NECTIN3: variants seen among roughly 807,000 people sequenced by gnomAD.
NECTIN3 encodes the protein nectin-3.
A neutral mutation model predicts 49.4 loss-of-function variants in NECTIN3; 8 were observed. The ratio of observed to expected loss-of-function variants is 0.16; its 90% CI spans 0.10 to 0.29. The LOEUF is 0.29. NECTIN3 is among the 10% of genes least tolerant of loss of function. The probability of loss-of-function intolerance (pLI) is 1.00; values close to 1 mark genes in which losing one functional copy is unlikely to be tolerated. For missense variants in NECTIN3, 581 were observed against 654.6 expected (o/e 0.89, Z 1.23); for synonymous variants, 277 against 241.1 (o/e 1.15, Z -1.38).
chr3:111,077,140 A>T (rs1171005936), intron 1 of NECTIN3: 1 of 392,984 alleles, frequency 2.5e-6, no homozygotes, highest in Non-Finnish European at 5.2e-6. Flanking sequence ...TATTTTAGAA[A>T]GGATATTATA....
chr3:111,165,650 T>C (rs1037404672), intron 7 of NECTIN3, among the ~76,000 whole-genome samples: 38 of 152,200 alleles, frequency 2.5e-4, no homozygotes, highest in African/African-American at 8.4e-4. Context: ...AGGGCAAACT[T>C]GGATGTTCAC....
chr3:111,101,935 G>A (rs566088081), intron 1 of NECTIN3, among the ~76,000 whole-genome samples: 2 of 152,200 alleles, frequency 1.3e-5, no homozygotes, highest in East Asian at 1.9e-4. Flanking sequence ...TGCTTAGCAT[G>A]GAATGGTCTT....
chr3:111,117,743 A>C (rs1220007746), intron 2 of NECTIN3, among the ~76,000 whole-genome samples: 1 of 152,100 alleles, frequency 6.6e-6, no homozygotes, highest in Non-Finnish European at 1.5e-5. Flanking sequence ...GCACAGAGTA[A>C]ACTAAAGACT....
chr3:111,180,253 A>G (rs1209255743), intron 7 of NECTIN3, among the ~76,000 whole-genome samples: 1 of 152,198 alleles, frequency 6.6e-6, no homozygotes, highest in African/African-American at 2.4e-5. Context: ...TGTCTCAACA[A>G]AATTATAAAT....
In NECTIN3 at chr3:111,166,410, G is replaced by A. The variant is rs189964582; in HGVS notation, c.1221+18926G>A. On this transcript the variant is annotated intron_variant, in intron 7 of 8. Coordinates refer to the NECTIN3 transcript ENST00000493615. Reference sequence around the variant, plus strand: ...CTTTCTTGTGACATGATACACAACCGAAGAAAACAATGAGCAGCAAGGAAA... The same window carrying A: ...CTTTCTTGTGACATGATACACAACCAAAGAAAACAATGAGCAGCAAGGAAA... Among the ~76,000 whole-genome samples the A allele has an allele frequency of 4.6e-5, 7 of 152,214 alleles. No homozygotes were observed. The East Asian group carries it at 1.2e-3, about 25-fold the overall frequency.
At chr3:111,128,406 T>C (rs1473456976) in intron 5 of NECTIN3, among the ~76,000 whole-genome samples, 1 of 152,148 alleles carries the variant, frequency 6.6e-6, no homozygotes, top group Non-Finnish European at 1.5e-5. Flanking sequence ...GATAATATCC[T>C]AAATTTATAC....
At chr3:111,080,900 G>A (rs1290195733) in intron 1 of NECTIN3, among the ~76,000 whole-genome samples, 1 of 152,144 alleles carries the variant, frequency 6.6e-6, no homozygotes, top group South Asian at 2.1e-4. Context: ...AGAAATATTA[G>A]TAAGGGCTGG....
In NECTIN3 at chr3:111,135,038, T is replaced by G; in HGVS notation, c.*823T>G. 1.0e-6 allele frequency: 1 copy of G among 981,640 alleles called. No individual in the cohort carries two copies. The highest frequency in any genetic ancestry group is 1.2e-6 in the Non-Finnish European group (1 of 826,594). 60.8% of individuals were successfully genotyped at this position (981,640 alleles called of 1,614,324 possible). ...ATTAGCAGTAGCCTTATTTTAATGC[T>G]TTATGTCCTAAACATACTAATAGAA... is the stretch of plus-strand genomic sequence containing the variant. On this transcript the variant is annotated 3_prime_UTR_variant, in exon 6 of 6. Transcript: ENST00000485303.
At chr3:111,098,492 A>G (rs2032718758) in intron 1 of NECTIN3, among the ~76,000 whole-genome samples, 1 of 151,894 alleles carries the variant, frequency 6.6e-6, no homozygotes, top group African/African-American at 2.4e-5. Flanking sequence ...TGGCTGCATA[A>G]CTCCAGTTTT....
intron 2 of NECTIN3, among the ~76,000 whole-genome samples, chr3:111,116,494 G>GT (rs1170289958): frequency 2.0e-5 from 3 of 152,092 alleles, no homozygotes; most frequent in Non-Finnish European, 2.9e-5. Flanking sequence ...ATTCTACAAA[G>GT]TTAAAGAGAC....
chr3:111,103,907 G>T (rs1006136667), intron 1 of NECTIN3, among the ~76,000 whole-genome samples: 1 of 152,030 alleles, frequency 6.6e-6, no homozygotes, highest in Non-Finnish European at 1.5e-5. Context: ...ATATTCATTC[G>T]TCTCTTGATG....
At chr3:111,077,647 T>C (rs2031312561) in intron 1 of NECTIN3, among the ~76,000 whole-genome samples, 1 of 152,182 alleles carries the variant, frequency 6.6e-6, no homozygotes, top group Non-Finnish European at 1.5e-5. Flanking sequence ...TTGGGACATT[T>C]GTATTTTGAA....
intron 5 of NECTIN3, among the ~76,000 whole-genome samples, chr3:111,130,038 C>G (rs186116587): frequency 6.6e-6 from 1 of 150,742 alleles, no homozygotes; most frequent in Non-Finnish European, 1.5e-5. Context: ...TCACTGCAGG[C>G]TCCGCCTCCC....
chr3:111,077,517 A>G (rs1195857289), intron 1 of NECTIN3, among the ~76,000 whole-genome samples: 1 of 150,816 alleles, frequency 6.6e-6, no homozygotes, highest in Non-Finnish European at 1.5e-5. Context: ...CAAAGATAGG[A>G]TGTGTGAGTT....
intron 3 of NECTIN3, 82 bp downstream of exon 3, chr3:111,119,034 T>C: frequency 8.4e-7 from 1 of 1,194,704 alleles, no homozygotes; most frequent in Non-Finnish European, 1.1e-6. Context: ...TTTAATAGCT[T>C]TTCCTTGTTT....
intron 7 of NECTIN3, among the ~76,000 whole-genome samples, chr3:111,169,098 T>C (rs917102141): frequency 1.6e-4 from 22 of 140,330 alleles, no homozygotes; most frequent in Non-Finnish European, 1.4e-4. Context: ...TTTTTTTTTT[T>C]TTTTTTTTTG....
chr3:111,118,561 C>T, intron 2 of NECTIN3, 95 bp from the exon 3 acceptor site: 5 of 1,137,552 alleles, frequency 4.4e-6, no homozygotes, highest in Non-Finnish European at 6.0e-6. Flanking sequence ...ATGCAGTTGT[C>T]CTTAAGCTTG....
chr3:111,174,483 C>T (rs1008268699), intron 7 of NECTIN3, among the ~76,000 whole-genome samples: 1 of 152,306 alleles, frequency 6.6e-6, no homozygotes, highest in Admixed American at 6.5e-5. Flanking sequence ...ATGTACCTAT[C>T]ACTTTTCTAA....
chr3:111,101,252 G>C (rs1466819225), intron 1 of NECTIN3, among the ~76,000 whole-genome samples: 1 of 152,078 alleles, frequency 6.6e-6, no homozygotes, highest in African/African-American at 2.4e-5. Context: ...TCAAGATACT[G>C]TCCTTATTTG....
Sources: gnomAD v4.1 joint callset for allele counts (sites outside exome capture counted in the v4.1 genomes callset) on GRCh38, gnomAD v4.1.1 for gene constraint, MANE v1.5 for transcripts, NCBI Gene and HGNC (gene_info 2026-07-23, HGNC 2026-07-21) for gene names.